RGPD3: variants seen among roughly 807,000 people sequenced by gnomAD.
RGPD3 encodes ranBP2-like and GRIP domain-containing protein 3.
Under a neutral mutation model 154.5 loss-of-function variants are expected in RGPD3, and 62 were observed. The ratio of observed to expected loss-of-function variants is 0.40; its 90% CI spans 0.33 to 0.50. The LOEUF (loss-of-function observed/expected upper bound fraction) is 0.50. Among genes scored for constraint, RGPD3 ranks in the 20% least tolerant of loss-of-function variants. The pLI, the probability that RGPD3 is intolerant of heterozygous loss-of-function variation, is 0.59. For missense variants in RGPD3, 919 were observed against 1,716.8 expected (o/e 0.54, Z 8.21); for synonymous variants, 308 against 607.0 (o/e 0.51, Z 7.24).
chr2:106,465,708 C>G (rs1213411048), intron 1 of RGPD3, among the ~76,000 whole-genome samples: 1 of 150,884 alleles, frequency 6.6e-6, no homozygotes, highest in African/African-American at 2.4e-5. Flanking sequence ...GCCATACTAA[C>G]GATTTGTAAG....
rs369803543 is a variant in RGPD3 at position 106,415,607 on chromosome 2, G to A, written c.5064+243C>T. 2.8e-5 allele frequency among the ~76,000 whole-genome samples: 4 copies of A among 144,798 alleles called. 1 individual carries two copies. Among genetic ancestry groups the A allele is most frequent in the East Asian group, 2.1e-4 (1 of 4,852 alleles). 95.0% of individuals were successfully genotyped at this position (144,798 alleles called of 152,430 possible). ...CAGGAGAATGGCGTGAACCTGGGAG[G>A]TGGAGCTTGTAGTGAGCCGGGATCG... is the stretch of plus-strand genomic sequence containing the variant. On this transcript the variant is annotated intron_variant, in intron 21 of 22. Transcript: ENST00000409886.
chr2:106,465,101 T>A (rs953779890), intron 1 of RGPD3, among the ~76,000 whole-genome samples: 7 of 151,398 alleles, frequency 4.6e-5, no homozygotes, highest in Middle Eastern at 6.8e-3. Context: ...ATCATCACAC[T>A]CCAAAACTCC....
At chr2:106,449,184 G>A (rs1353410869) in intron 6 of RGPD3, among the ~76,000 whole-genome samples, 1 of 151,180 alleles carries the variant, frequency 6.6e-6, no homozygotes, top group Non-Finnish European at 1.5e-5. Flanking sequence ...GCTATTATTG[G>A]CCCTGTGCGG....
At chr2:106,417,914 G>A (rs1409360577) in intron 20 of RGPD3, among the ~76,000 whole-genome samples, 2 of 150,160 alleles carry the variant, frequency 1.3e-5, no homozygotes, top group Non-Finnish European at 2.9e-5. Flanking sequence ...TGGATCACGA[G>A]GTCAGCAAGT....
Position 106,459,341 on chromosome 2 carries a change from A to G in RGPD3, c.73-9T>C, listed in dbSNP as rs1390696985. The G allele has an allele frequency of 3.9e-6, 6 of 1,545,970 alleles. No individual in the cohort carries two copies. Among genetic ancestry groups the G allele is most frequent in the Non-Finnish European group, 4.4e-6 (5 of 1,147,356 alleles). Reference sequence around the variant, plus strand: ...AATCCTCTCGTTGACTTCTAAAAAAAATTAAAAGTTGTTTTACGTTTCATA... The same window carrying G: ...AATCCTCTCGTTGACTTCTAAAAAAGATTAAAAGTTGTTTTACGTTTCATA... On this transcript the variant is annotated splice_polypyrimidine_tract_variant and intron_variant, in intron 1 of 22. Coordinates refer to ENST00000409886, the MANE Select transcript of RGPD3 (RefSeq NM_001144013.2).
At chr2:106,465,735 T>C (rs1346096839) in intron 1 of RGPD3, among the ~76,000 whole-genome samples, 3 of 152,094 alleles carry the variant, frequency 2.0e-5, no homozygotes, top group South Asian at 4.1e-4. Flanking sequence ...AGAATTTTTT[T>C]TTTTTAAGCA....
At chr2:106,457,260 C>T (rs536280633) in intron 3 of RGPD3, 137 bp from the exon 4 acceptor site, 640 of 1,435,954 alleles carry the variant, frequency 4.5e-4, no homozygotes, top group South Asian at 3.7e-3. Flanking sequence ...CTGGAGAAAA[C>T]ATATTACTTC....
In RGPD3 at chr2:106,424,662, C is replaced by G; in HGVS notation, c.3305G>C (p.Arg1102Thr). The change falls in exon 20 of 23, where the codon AGA becomes ACA. Residue 1102 changes from arginine (R) to threonine (T), a missense_variant. Transcript: ENST00000409886. ...AGCACACACTTTTAGTACTTGTTCT[C>G]TTTGCATCAGCATTCTTACTTTGCC... ...VNGKVRMLMQ[R>T]EQVLKVCANH... 1 of 1,612,000 alleles carries G rather than the reference C, an allele frequency of 6.2e-7. No individual in the cohort carries two copies. Among genetic ancestry groups the G allele is most frequent in the Non-Finnish European group, 8.5e-7 (1 of 1,179,856 alleles).
At chr2:106,469,564 C>T (rs1303990821), upstream of RGPD3, among the ~76,000 whole-genome samples, 1 of 152,178 alleles carries the variant, frequency 6.6e-6, no homozygotes, top group African/African-American at 2.4e-5. Flanking sequence ...CCTAAACATC[C>T]ACACTCACAT....
intron 22 of RGPD3, among the ~76,000 whole-genome samples, chr2:106,406,155 CAA>C (rs1191843600): frequency 6.9e-6 from 1 of 145,190 alleles, no homozygotes; most frequent in Non-Finnish European, 1.5e-5. Flanking sequence ...AAACAAAAAC[CAA>C]AGTTTTAATC....
intron 20 of RGPD3, among the ~76,000 whole-genome samples, chr2:106,419,472 C>T (rs1676910570): frequency 6.6e-6 from 1 of 152,148 alleles, no homozygotes; most frequent in African/African-American, 2.4e-5. Flanking sequence ...AAGTTCCTTG[C>T]TCTAGCTAAT....
chr2:106,461,697 T>G (rs1210557943), intron 1 of RGPD3, among the ~76,000 whole-genome samples: 1 of 151,184 alleles, frequency 6.6e-6, no homozygotes, highest in Admixed American at 6.6e-5. Flanking sequence ...CAATCGCATC[T>G]AAATGAAAAA....
At chr2:106,444,667 A>C (rs1189970609) in intron 7 of RGPD3, among the ~76,000 whole-genome samples, 1 of 144,584 alleles carries the variant, frequency 6.9e-6, no homozygotes, top group African/African-American at 2.6e-5. Flanking sequence ...TTTACAAAAA[A>C]TTTAACAATG....
intron 22 of RGPD3, among the ~76,000 whole-genome samples, chr2:106,410,367 T>TA (rs1321571978): frequency 2.6e-5 from 4 of 152,176 alleles, no homozygotes; most frequent in Non-Finnish European, 4.4e-5. Context: ...ATGCACATCT[T>TA]AGAGTTCTGG....
rs1433381108 is a variant in RGPD3, at chr2:106,413,245, T to G, written c.5105A>C (p.Glu1702Ala). 6.2e-7 allele frequency: 1 copy of G among 1,611,978 alleles called. No individual in the cohort carries two copies. The highest frequency in any genetic ancestry group is 1.1e-5 in the South Asian group (1 of 90,972). Residue 1702 changes from glutamate to alanine, a missense_variant, in exon 22 of 23, where the codon GAG (glutamate) becomes GCG (alanine). Coordinates refer to ENST00000409886, the MANE Select transcript of RGPD3 (RefSeq NM_001144013.2). The stretch of plus-strand genomic sequence containing the variant: ...CACGTTAGCTGCAGACACCTCTTGC[T>G]CTTGATTCCTTTCCAATCTTCTTAT... Reference protein sequence around the residue: ...SEIRRLERNQEQEVSAANVEH... With the variant: ...SEIRRLERNQAQEVSAANVEH...
chr2:106,461,369 ATTGAT>A (rs1323896068), intron 1 of RGPD3, among the ~76,000 whole-genome samples: 1 of 151,040 alleles, frequency 6.6e-6, no homozygotes, highest in Non-Finnish European at 1.5e-5. Flanking sequence ...TACTCCAACA[ATTGAT>A]CTGATAACTG....
intron 22 of RGPD3, among the ~76,000 whole-genome samples, chr2:106,412,521 G>T (rs979654128): frequency 3.6e-4 from 54 of 151,436 alleles, no homozygotes; most frequent in Non-Finnish European, 6.3e-4. Flanking sequence ...TGTTGGCCAG[G>T]ATGGTCTCGG....
At chr2:106,440,523 G>A (rs1287820008) in intron 8 of RGPD3, among the ~76,000 whole-genome samples, 1 of 148,680 alleles carries the variant, frequency 6.7e-6, no homozygotes, top group East Asian at 2.0e-4. Context: ...AAAGTAGAAA[G>A]TCACTTTAAG....
intron 20 of RGPD3, among the ~76,000 whole-genome samples, chr2:106,420,196 A>G (rs1207495218): frequency 7.2e-6 from 1 of 137,982 alleles, no homozygotes; most frequent in Admixed American, 8.4e-5. Flanking sequence ...CTAGAGTTGC[A>G]TCTAGTTTGC....
Sources: allele counts gnomAD v4.1 joint callset (sites outside exome capture counted in the v4.1 genomes callset), GRCh38; gene constraint gnomAD v4.1.1; transcripts MANE v1.5; gene names NCBI Gene and HGNC (gene_info 2026-07-23, HGNC 2026-07-21).